Variants in LOC400499 observed in about 807,000 individuals in gnomAD.
the LOC400499 span, chr16:11,439,624 G>C: frequency 2.5e-6 from 1 of 399,088 alleles, no homozygotes; most frequent in Non-Finnish European, 4.4e-6. Context: ...GGAACAGAGA[G>C]AGAGATGCAG....
chr16:11,391,644 G>A, the LOC400499 span: 2 of 1,231,914 alleles, frequency 1.6e-6, no homozygotes, highest in South Asian at 8.2e-5. Flanking sequence ...ACAGGATTGA[G>A]CCCTCCCCCT....
the LOC400499 span, chr16:11,391,967 C>T: frequency 4.0e-6 from 2 of 496,856 alleles, no homozygotes; most frequent in East Asian, 3.5e-5. Flanking sequence ...AGAGGGGGAC[C>T]TCTCCAACCT....
the LOC400499 span, among the ~76,000 whole-genome samples, chr16:11,380,430 A>C: frequency 6.6e-6 from 1 of 152,246 alleles, no homozygotes; most frequent in East Asian, 1.9e-4. Flanking sequence ...AAATACAAAA[A>C]TTCGCCGGGG....
the LOC400499 span, among the ~76,000 whole-genome samples, chr16:11,436,196 G>C: frequency 0.01 from 1,531 of 152,266 alleles, 33 homozygotes; most frequent in African/African-American, 0.035. Flanking sequence ...AGTCTGCCTA[G>C]CTCTAAAACT....
chr16:11,433,622 C>T, the LOC400499 span, among the ~76,000 whole-genome samples: 1 of 152,154 alleles, frequency 6.6e-6, no homozygotes. Context: ...TGGACAGGAA[C>T]TGGTCAACAG....
the LOC400499 span, among the ~76,000 whole-genome samples, chr16:11,515,732 G>A: frequency 1.3e-5 from 2 of 149,304 alleles, no homozygotes; most frequent in African/African-American, 5.0e-5. Flanking sequence ...GAGGAAAAGG[G>A]AGGAGGAGGA....
the LOC400499 span, among the ~76,000 whole-genome samples, chr16:11,419,165 C>T: frequency 7.2e-6 from 1 of 139,784 alleles, no homozygotes; most frequent in South Asian, 2.2e-4. Context: ...AACTCTGTCT[C>T]AAAAAAACAA....
At chr16:11,458,446 A>C in the LOC400499 span, among the ~76,000 whole-genome samples, 3 of 151,226 alleles carry the variant, frequency 2.0e-5, no homozygotes, top group African/African-American at 7.3e-5. Context: ...CGGAGGTTGC[A>C]GTGAGCCAAG....
At chr16:11,383,733 G>C in the LOC400499 span, 1 of 1,232,406 alleles carries the variant, frequency 8.1e-7, no homozygotes, top group East Asian at 3.2e-5. Context: ...GGAGCTCCTG[G>C]GTGCCACAGG....
chr16:11,412,831 C>G, the LOC400499 span: 1 of 399,054 alleles, frequency 2.5e-6, no homozygotes, highest in Non-Finnish European at 4.4e-6. Context: ...CTCCTGGGGG[C>G]CCCCCTCACC....
chr16:11,511,452 C>T, the LOC400499 span, among the ~76,000 whole-genome samples: 364 of 152,250 alleles, frequency 2.4e-3, 2 homozygotes, highest in Middle Eastern at 6.8e-3. Flanking sequence ...CCAAAGCCTC[C>T]TGGGAATGAC....
chr16:11,478,984 A>C, the LOC400499 span, among the ~76,000 whole-genome samples: 1 of 152,178 alleles, frequency 6.6e-6, no homozygotes, highest in Admixed American at 6.5e-5. Flanking sequence ...GCCTTCCACC[A>C]TGATTTTGAA....
At chr16:11,492,988 G>A in the LOC400499 span, among the ~76,000 whole-genome samples, 58 of 152,222 alleles carry the variant, frequency 3.8e-4, no homozygotes, top group African/African-American at 1.4e-3. Flanking sequence ...AAGTGTACCA[G>A]GAAAGAGCAT....
chr16:11,410,453 C>CA, the LOC400499 span, among the ~76,000 whole-genome samples: 1 of 151,822 alleles, frequency 6.6e-6, no homozygotes, highest in Admixed American at 6.6e-5. Context: ...GACTGTGTCT[C>CA]AAAAAAAATT....
the LOC400499 span, among the ~76,000 whole-genome samples, chr16:11,408,668 G>C: frequency 6.6e-6 from 1 of 151,718 alleles, no homozygotes; most frequent in Middle Eastern, 3.2e-3. Context: ...GTCTCCCTAG[G>C]TTGCAGGCTG....
chr16:11,374,121 C>T, the LOC400499 span, among the ~76,000 whole-genome samples: 3 of 152,040 alleles, frequency 2.0e-5, no homozygotes, highest in Non-Finnish European at 4.4e-5. Context: ...ATTTCTAGTT[C>T]CCTGCTGAAA....
At chr16:11,385,917 TC>T in the LOC400499 span, among the ~76,000 whole-genome samples, 1 of 152,024 alleles carries the variant, frequency 6.6e-6, no homozygotes, top group South Asian at 2.1e-4. Context: ...CTAAAAGCCA[TC>T]CCAGCACTTT....
the LOC400499 span, chr16:11,423,066 G>A: frequency 5.0e-6 from 2 of 398,758 alleles, no homozygotes; most frequent in South Asian, 1.3e-4. Flanking sequence ...TCCTGGCAGC[G>A]AACTCAGCTC....
chr16:11,379,475 C>G, the LOC400499 span, among the ~76,000 whole-genome samples: 6 of 152,244 alleles, frequency 3.9e-5, no homozygotes, highest in Non-Finnish European at 5.9e-5. Context: ...TACTCCTTCT[C>G]TATCTTATTT....
Sources: gnomAD v4.1 joint callset for allele counts (sites outside exome capture counted in the v4.1 genomes callset) on GRCh38, gnomAD v4.1.1 for gene constraint, MANE v1.5 for transcripts.